Variants in CACNA1E observed in about 807,000 individuals in gnomAD.
CACNA1E encodes calcium voltage-gated channel subunit alpha1 E.
A neutral mutation model predicts 259.2 loss-of-function variants in CACNA1E; 40 were observed. The ratio of observed to expected loss-of-function variants is 0.15; its 90% CI spans 0.12 to 0.20. The LOEUF is 0.20. Ranked by LOEUF, CACNA1E falls within the 10% of genes least tolerant of loss-of-function variation. The pLI, the probability that CACNA1E is intolerant of heterozygous loss-of-function variation, is 1.00. For synonymous variants in CACNA1E, 1,104 were observed against 1,138.5 expected, an observed-to-expected ratio of 0.97 and a Z score of 0.61; for missense variants, 1,874 against 3,040.1, an observed-to-expected ratio of 0.62 and a Z score of 9.02.
intron 3 of CACNA1E, among the ~76,000 whole-genome samples, chr1:181,548,204 A>G (rs1647728748): frequency 1.3e-5 from 2 of 148,498 alleles, no homozygotes. Flanking sequence ...AGCTCACCGC[A>G]ACCTCTGCCT....
intron 6 of CACNA1E, among the ~76,000 whole-genome samples, chr1:181,635,808 C>T (rs546072835): frequency 1.3e-5 from 2 of 152,314 alleles, no homozygotes; most frequent in Admixed American, 6.5e-5. Context: ...TTGATTAGCT[C>T]ATTCATCCAT....
intron 1 of CACNA1E, among the ~76,000 whole-genome samples, chr1:181,388,627 G>A (rs539432174): frequency 1.3e-5 from 2 of 152,272 alleles, no homozygotes; most frequent in Admixed American, 1.3e-4. Flanking sequence ...GGTGACTCAC[G>A]CTTGTAATCC....
At chr1:181,475,111 T>C (rs138144684) in intron 2 of CACNA1E, among the ~76,000 whole-genome samples, 4 of 152,286 alleles carry the variant, frequency 2.6e-5, no homozygotes, top group Admixed American at 6.5e-5. Context: ...AGATACCTGA[T>C]TGATGCCCAA....
intron 1 of CACNA1E, among the ~76,000 whole-genome samples, chr1:181,486,541 C>A (rs563287027): frequency 2.0e-5 from 3 of 152,298 alleles, no homozygotes; most frequent in Admixed American, 1.3e-4. Context: ...GGGAGTCAGT[C>A]TGGGTAGTGG....
chr1:181,674,024 G>A (rs1464389940), intron 7 of CACNA1E, among the ~76,000 whole-genome samples: 1 of 151,924 alleles, frequency 6.6e-6, no homozygotes, highest in Admixed American at 6.6e-5. Flanking sequence ...ACAAGAGTCT[G>A]GAGCTTTTAT....
chr1:181,744,125 G>T (rs947307363), intron 25 of CACNA1E, among the ~76,000 whole-genome samples: 6 of 152,242 alleles, frequency 3.9e-5, no homozygotes, highest in African/African-American at 9.6e-5. Flanking sequence ...ATGCCAGAAG[G>T]AACTGGAGTT....
In CACNA1E at chr1:181,665,504, T is replaced by C. The variant is rs573574580; in HGVS notation, c.1055+14063T>C. Among the ~76,000 whole-genome samples, 17 of 152,306 alleles carry C rather than the reference T, an allele frequency of 1.1e-4. No individual in the cohort carries two copies. The East Asian group carries it at 3.3e-3, about 29-fold the overall frequency. ...ATGAAGTAATGTTTAAAAAGATGGC[T>C]TTTTAGATAGGTGAAATAAGTTCTG... On this transcript the variant is annotated intron_variant, in intron 7 of 47. Transcript: ENST00000367573.
chr1:181,655,037 G>A (rs1659097073), intron 7 of CACNA1E, among the ~76,000 whole-genome samples: 2 of 147,996 alleles, frequency 1.4e-5, no homozygotes, highest in Non-Finnish European at 3.0e-5. Flanking sequence ...ATAGATTTTA[G>A]TGAAAACAAG....
chr1:181,600,138 T>G (rs564516276), intron 6 of CACNA1E, among the ~76,000 whole-genome samples: 153 of 152,164 alleles, frequency 1.0e-3, no homozygotes, highest in African/African-American at 3.4e-3. Context: ...GGGAAAGCCC[T>G]GGGATATCTG....
At chr1:181,641,972 A>G (rs1657826355) in intron 6 of CACNA1E, among the ~76,000 whole-genome samples, 4 of 152,146 alleles carry the variant, frequency 2.6e-5, no homozygotes, top group Admixed American at 6.5e-5. Context: ...TCTGCTTCCC[A>G]AAGTGCTGGG....
chr1:181,469,868 C>T (rs1571942607), intron 2 of CACNA1E, among the ~76,000 whole-genome samples: 1 of 152,094 alleles, frequency 6.6e-6, no homozygotes, highest in African/African-American at 2.4e-5. Flanking sequence ...GGGAAACAGA[C>T]TTTGGGGTGA....
At chr1:181,451,949 C>A (rs1661182019) in intron 2 of CACNA1E, among the ~76,000 whole-genome samples, 1 of 152,096 alleles carries the variant, frequency 6.6e-6, no homozygotes, top group African/African-American at 2.4e-5. Context: ...AGGTTGCTGC[C>A]CTCAATGAAC....
chr1:181,428,902 C>G (rs67766827), intron 2 of CACNA1E, among the ~76,000 whole-genome samples: 27 of 152,022 alleles, frequency 1.8e-4, no homozygotes, highest in African/African-American at 6.3e-4. Flanking sequence ...GTAAAGGAGG[C>G]CGGGTGCGGT....
intron 2 of CACNA1E, among the ~76,000 whole-genome samples, chr1:181,436,707 G>A (rs942832514): frequency 6.6e-6 from 1 of 152,014 alleles, no homozygotes; most frequent in African/African-American, 2.4e-5. Flanking sequence ...CTGGGGACGA[G>A]GGGGGTGGAT....
intron 1 of CACNA1E, among the ~76,000 whole-genome samples, chr1:181,503,154 T>C (rs1665408747): frequency 6.6e-6 from 1 of 152,244 alleles, no homozygotes; most frequent in Non-Finnish European, 1.5e-5. Context: ...TAACTATTGC[T>C]ATGTCTGGGT....
At chr1:181,411,758 C>A (rs113823399) in intron 1 of CACNA1E, among the ~76,000 whole-genome samples, 1 of 152,160 alleles carries the variant, frequency 6.6e-6, no homozygotes, top group Non-Finnish European at 1.5e-5. Flanking sequence ...TACAGGCACA[C>A]GCCACCACAC....
intron 1 of CACNA1E, among the ~76,000 whole-genome samples, chr1:181,341,432 C>T (rs1652142984): frequency 6.6e-6 from 1 of 152,152 alleles, no homozygotes; most frequent in Admixed American, 6.5e-5. Context: ...ATGAAACACC[C>T]CCACCTTCCT....
chr1:181,449,903 G>A (rs1168850045), intron 2 of CACNA1E, among the ~76,000 whole-genome samples: 2 of 151,932 alleles, frequency 1.3e-5, no homozygotes, highest in Non-Finnish European at 2.9e-5. Context: ...TATTATAGGG[G>A]CACAGGGGCA....
At position 181,793,737 on chromosome 1, in the gene CACNA1E, G is replaced by C. The variant is rs576695631; in HGVS notation, c.5971G>C (p.Glu1991Gln). The change falls in exon 45 of 48, where the codon GAG (glutamate) becomes CAG (glutamine). Residue 1991 changes from glutamate (E) to glutamine (Q), a missense_variant. Physicochemically the swap from Glu to Gln is conservative, Grantham distance 29. Transcript: ENST00000367573. ...HGIYLPSDTQEHAGSGRASSM... is the reference protein window; with the variant it reads ...HGIYLPSDTQQHAGSGRASSM... ...CATCTACCTTCCTTCGGACACCCAG[G>C]AGCATGCGGGATCTGGGAGGGCATC... 6.2e-7 allele frequency: 1 copy of C among 1,611,664 alleles called. No individual in the cohort carries two copies. The highest frequency in any genetic ancestry group is 1.3e-5 in the African/African-American group (1 of 75,026).
Sources: gnomAD v4.1 joint callset for allele counts (sites outside exome capture counted in the v4.1 genomes callset) on GRCh38, gnomAD v4.1.1 for gene constraint, MANE v1.5 for transcripts, NCBI Gene and HGNC (gene_info 2026-07-23, HGNC 2026-07-21) for gene names.